Variants in ZNF639 observed in about 807,000 individuals in gnomAD.
ZNF639 encodes the protein zinc finger protein 639, also known as zinc finger amplified in esophageal squamous cell carcinomas 1.
In ZNF639, 20 loss-of-function variants were observed where a neutral mutation model predicts 39.8. The observed-to-expected ratio is 0.50, with a 90% CI of 0.35 to 0.73. The LOEUF is 0.73. Among genes scored for constraint, ZNF639 ranks in the 30% least tolerant of loss-of-function variants. The pLI is 0.00. For missense variants in ZNF639, 477 were observed against 566.2 expected, an observed-to-expected ratio of 0.84 and a Z score of 1.60; for synonymous variants, 176 against 189.8, an observed-to-expected ratio of 0.93 and a Z score of 0.60.
chr3:179,326,755 A>C (rs1727615523), intron 1 of ZNF639, among the ~76,000 whole-genome samples: 1 of 151,788 alleles, frequency 6.6e-6, no homozygotes, highest in Non-Finnish European at 1.5e-5. Context: ...CCTCTTGAGT[A>C]ACTGGGATTG....
rs753283916 is a variant in ZNF639 at position 179,333,955 on chromosome 3, G to A, written c.991G>A (p.Asp331Asn). The change falls in exon 6 of 6, where the codon GAC (aspartate) becomes AAC (asparagine). Residue 331 changes from aspartate (D) to asparagine (N), a missense_variant. By Grantham distance (23) the Asp-to-Asn change is conservative. Transcript: ENST00000496856. ...TGAACATGAAACTAATGATCCAGAA[G>A]ACTTGCATAGCCATGTGGTAAATGA... is the stretch of plus-strand genomic sequence containing the variant. ...FCEHETNDPE[D>N]LHSHVVNEHA... is the part of the protein sequence containing the mutation. 1.9e-6 allele frequency: 3 copies of A among 1,614,054 alleles called. No homozygotes were observed. Among genetic ancestry groups the A allele is most frequent in the Non-Finnish European group, 2.5e-6 (3 of 1,180,036 alleles).
chr3:179,326,375 AT>A (rs935135758), intron 1 of ZNF639, among the ~76,000 whole-genome samples: 3 of 152,160 alleles, frequency 2.0e-5, no homozygotes, highest in African/African-American at 7.2e-5. Context: ...AAATAAATAG[AT>A]TAATAAATAA....
At position 179,338,342 on chromosome 3, in the gene ZNF639, T is replaced by C. The variant is rs1361253998; in HGVS notation, c.*3920T>C. On this transcript the variant is annotated 3_prime_UTR_variant, in exon 6 of 6. Transcript: ENST00000496856. Reference sequence around the variant, plus strand: ...CATCTTACAATGAGTTATTTTGAAATTCCAAAACATTTCCCTGTATTCCAG... The same window carrying C: ...CATCTTACAATGAGTTATTTTGAAACTCCAAAACATTTCCCTGTATTCCAG... The C allele has an allele frequency of 1.3e-5, 2 of 152,218 alleles. No individual in the cohort carries two copies. The highest frequency in any genetic ancestry group is 1.5e-5 in the Non-Finnish European group (1 of 68,034). The allele number at this position is 152,218 out of a possible 1,614,324, so 9.4% of individuals were successfully genotyped here.
chr3:179,328,869 G>A lies in ZNF639; in HGVS notation c.58+518G>A, dbSNP rs1026249958. Among the ~76,000 whole-genome samples the A allele has an allele frequency of 1.1e-4, 16 of 148,870 alleles. No homozygotes were observed. In the South Asian group the frequency reaches 3.4e-3, roughly 31 times the overall value. Reference sequence around the variant, plus strand: ...CAGCTCACTGCAACCTCTGCTTTCTGGGTTCAAGTGATTCTCCTGCCTCAG... The same window carrying A: ...CAGCTCACTGCAACCTCTGCTTTCTAGGTTCAAGTGATTCTCCTGCCTCAG... On this transcript the variant is annotated intron_variant, in intron 3 of 5. Coordinates refer to ENST00000496856, the MANE Select transcript of ZNF639 (RefSeq NM_001303426.2).
chr3:179,329,724 C>T lies in ZNF639; in HGVS notation c.165C>T (p.Asn55=). The stretch of plus-strand genomic sequence containing the variant: ...AGCCAGATTTAAAATATTTTGACAA[C>T]AAAGGTATATCTAATATTTTCGAAA... ...MRQPDLKYFD[N]KDDDSDTETS... is the part of the protein sequence containing the mutation. The change falls in exon 4 of 6, where the codon AAC becomes AAT. Residue 55 remains asparagine (N), a synonymous_variant. Coordinates refer to ENST00000496856, the MANE Select transcript of ZNF639 (RefSeq NM_001303426.2). 6.4e-7 allele frequency: 1 copy of T among 1,570,696 alleles called. No individual in the cohort carries two copies. The highest frequency in any genetic ancestry group is 8.7e-7 in the Non-Finnish European group (1 of 1,148,630).
intron 1 of ZNF639, chr3:179,325,055 C>T (rs891230660): frequency 1.2e-4 from 19 of 152,132 alleles, no homozygotes; most frequent in African/African-American, 4.3e-4. Context: ...GAGTTTCACT[C>T]CTGTTACCCA....
Position 179,334,559 on chromosome 3 carries a change from T to A in ZNF639, c.*137T>A, listed in dbSNP as rs1201242163. On this transcript the variant is annotated 3_prime_UTR_variant, in exon 6 of 6. Transcript: ENST00000496856. ...GTAACTTTTTTAAATTATAAAATTT[T>A]ATTGGCATTGCTCCATTTTCTGTAT... 1.8e-6 allele frequency: 1 copy of A among 554,206 alleles called. No homozygotes were observed. The highest frequency in any genetic ancestry group is 3.3e-5 in the East Asian group (1 of 30,310). The allele number at this position is 554,206 out of a possible 1,614,324, so 34.3% of individuals were successfully genotyped here.
intron 3 of ZNF639, among the ~76,000 whole-genome samples, chr3:179,328,575 T>C (rs1236149115): frequency 6.6e-6 from 1 of 152,198 alleles, no homozygotes; most frequent in Non-Finnish European, 1.5e-5. Flanking sequence ...CACAGCTCTA[T>C]GGGTTATAAA....
chr3:179,333,214 A>T (rs565940804), intron 5 of ZNF639, 55 bp from the exon 6 acceptor site: 11 of 1,559,420 alleles, frequency 7.1e-6, no homozygotes, highest in Middle Eastern at 1.7e-4. Context: ...GCCCAGTTGT[A>T]TTTAACAGAT....
Position 179,333,337 on chromosome 3 carries a change from C to T in ZNF639, c.373C>T (p.Gln125Ter). The change falls in exon 6 of 6, where the codon CAA becomes TAA. Residue 125 changes from glutamine to a stop codon, truncating the protein, a stop_gained. Transcript: ENST00000496856. LOFTEE classifies it high-confidence loss of function. ...ACCTGAATCAGTCAACCAGCAAACC[C>T]AAGAGGAGAGTCCTATAGAAGTTCA... Reference protein sequence around the residue: ...DSPESVNQQTQEESPIEVHTA... With the variant: ...DSPESVNQQT The T allele has an allele frequency of 6.2e-7, 1 of 1,613,864 alleles. No individual in the cohort carries two copies. The highest frequency in any genetic ancestry group is 8.5e-7 in the Non-Finnish European group (1 of 1,179,962).
At chr3:179,325,933 G>A (rs1168884060) in intron 1 of ZNF639, among the ~76,000 whole-genome samples, 1 of 152,096 alleles carries the variant, frequency 6.6e-6, no homozygotes, top group Admixed American at 6.6e-5. Flanking sequence ...ATTCCCTGCT[G>A]TATTATATCA....
chr3:179,329,886 G>T, intron 4 of ZNF639, 158 bp downstream of exon 4: 13 of 343,214 alleles, frequency 3.8e-5, no homozygotes, highest in East Asian at 4.8e-5. Context: ...ATTTTTTTAA[G>T]AAAGCAAGTA....
At position 179,334,477 on chromosome 3, in the gene ZNF639, T is replaced by C. The variant is rs560501066; in HGVS notation, c.*55T>C. ...TTAAAATAATAAATTCATCCTTTTT[T>C]TGGAGATGATTAAATGGATGATTGT... On this transcript the variant is annotated 3_prime_UTR_variant, in exon 6 of 6. Transcript: ENST00000496856. 31 of 1,343,552 alleles carry C rather than the reference T, an allele frequency of 2.3e-5. No homozygotes were observed. In the African/African-American group the frequency reaches 4.3e-4, roughly 19 times the overall value. The allele number at this position is 1,343,552 out of a possible 1,614,324, so 83.2% of individuals were successfully genotyped here.
rs1439883326 is a variant in ZNF639 at position 179,335,316 on chromosome 3, TC to T, written c.*896del. The T allele has an allele frequency of 6.6e-6, 1 of 152,170 alleles. No homozygotes were observed. Among genetic ancestry groups the T allele is most frequent in the East Asian group, 1.9e-4 (1 of 5,178 alleles). The allele number at this position is 152,170 out of a possible 1,614,324, so 9.4% of individuals were successfully genotyped here. On this transcript the variant is annotated 3_prime_UTR_variant, in exon 6 of 6. Coordinates refer to ENST00000496856, the MANE Select transcript of ZNF639 (RefSeq NM_001303426.2). The stretch of plus-strand genomic sequence containing the variant: ...TATGTTGCCCAGGCCAGTCTCAAAC[TC>T]CTGGACTCAAGCAATCCTCCCACCT...
intron 4 of ZNF639, 104 bp from the exon 5 acceptor site, chr3:179,332,885 T>C: frequency 7.1e-7 from 1 of 1,406,666 alleles, no homozygotes; most frequent in Non-Finnish European, 9.3e-7. Context: ...AAGTCCTTAG[T>C]TCCTGTTGGA....
chr3:179,329,476 T>G (rs1727781875), intron 3 of ZNF639, 142 bp from the exon 4 acceptor site: 4 of 546,502 alleles, frequency 7.3e-6, no homozygotes, highest in Admixed American at 7.4e-5. Context: ...ATATAAAAGC[T>G]TTAAAAGTTG....
At chr3:179,325,891 AAAAAT>A (rs57727713) in intron 1 of ZNF639, among the ~76,000 whole-genome samples, 5,695 of 152,102 alleles carry the variant, frequency 0.037, 326 homozygotes, top group African/African-American at 0.12. Context: ...AAAAAAAAGT[AAAAAT>A]AAAATAAACT....
At chr3:179,333,194 AT>A (rs534271597) in intron 5 of ZNF639, 71 bp downstream of exon 5, 53 of 1,553,970 alleles carry the variant, frequency 3.4e-5, no homozygotes, top group Admixed American at 1.5e-4. Flanking sequence ...CATGCAATAA[AT>A]TTTTTTTTGC....
chr3:179,335,196 A>G lies in ZNF639; in HGVS notation c.*774A>G, dbSNP rs1016278751. ...GGCTGTAGTCTCCCAGGCTCGAGCA[A>G]TCCTCCCACTTCACCCTCCTGCATA... On this transcript the variant is annotated 3_prime_UTR_variant, in exon 6 of 6. Coordinates refer to ENST00000496856, the MANE Select transcript of ZNF639 (RefSeq NM_001303426.2). The G allele has an allele frequency of 1.3e-5, 2 of 152,142 alleles. No individual in the cohort carries two copies. The highest frequency in any genetic ancestry group is 2.4e-5 in the African/African-American group (1 of 41,424). 9.4% of individuals were successfully genotyped at this position (152,142 alleles called of 1,614,324 possible).
Sources: gnomAD v4.1 joint callset for allele counts (sites outside exome capture counted in the v4.1 genomes callset) on GRCh38, gnomAD v4.1.1 for gene constraint, MANE v1.5 for transcripts, NCBI Gene and HGNC (gene_info 2026-07-23, HGNC 2026-07-21) for gene names.